The following SGK1 variants were observed in gnomAD, a reference collection of about 807,000 sequenced individuals.
SGK1 encodes serine/threonine-protein kinase Sgk1.
SGK1 carries 26 observed loss-of-function variants against 64.2 expected under a neutral mutation model. That is an observed-to-expected ratio of 0.40 (90% CI 0.30 to 0.56). The LOEUF (loss-of-function observed/expected upper bound fraction) is 0.56. Among genes scored for constraint, SGK1 ranks in the 20% least tolerant of loss-of-function variants. The pLI, the probability that SGK1 is intolerant of heterozygous loss-of-function variation, is 0.38. For missense variants in SGK1, 519 were observed against 645.6 expected (o/e 0.80, Z 2.12); for synonymous variants, 265 against 239.7 (o/e 1.11, Z -0.98).
intron 1 of SGK1, among the ~76,000 whole-genome samples, chr6:134,315,982 T>A (rs1396089660): frequency 6.6e-6 from 1 of 152,242 alleles, no homozygotes; most frequent in Non-Finnish European, 1.5e-5. Flanking sequence ...TGGAGCTCTG[T>A]GAAGTTGCAC....
At chr6:134,269,433 T>C (rs895139534) in intron 1 of SGK1, among the ~76,000 whole-genome samples, 1 of 147,276 alleles carries the variant, frequency 6.8e-6, no homozygotes, top group African/African-American at 2.4e-5. Context: ...CCGAGGCAGG[T>C]GGATCATTTG....
chr6:134,177,744 C>G (rs1208368838), intron 3 of SGK1: 1 of 1,613,872 alleles, frequency 6.2e-7, no homozygotes, highest in East Asian at 2.2e-5. Context: ...CTTCTGGAGG[C>G]TGGAGGTAGA....
In SGK1 at chr6:134,262,118, T is replaced by C. The variant is rs750990182; in HGVS notation, c.100A>G (p.Ser34Gly). The change falls in exon 2 of 14, where the codon AGT (serine) becomes GGT (glycine). Residue 34 changes from serine to glycine, a missense_variant. Ser to Gly is a moderately conservative substitution (Grantham distance 56). Transcript: ENST00000367858. ...VRRWIKSPMVSVDKHQSPSLK... is the reference protein window; with the variant it reads ...VRRWIKSPMVGVDKHQSPSLK... The stretch of plus-strand genomic sequence containing the variant: ...CTGGGACTCTGATGCTTGTCCACAC[T>C]GACCATTGGGCTCTTGATCCACCTT... 6.2e-7 allele frequency: 1 copy of C among 1,601,422 alleles called. No individual in the cohort carries two copies. Among genetic ancestry groups the C allele is most frequent in the Non-Finnish European group, 8.5e-7 (1 of 1,170,912 alleles).
intron 2 of SGK1, among the ~76,000 whole-genome samples, chr6:134,208,101 G>A (rs551972864): frequency 9.8e-4 from 149 of 152,090 alleles, no homozygotes; most frequent in Middle Eastern, 6.8e-3. Context: ...TAGCAGAGAC[G>A]GGGTTTCACC....
chr6:134,206,383 ATTTTTTTTTTTTT>A (rs869072819), intron 3 of SGK1, among the ~76,000 whole-genome samples: 5 of 16,620 alleles, frequency 3.0e-4, no homozygotes, highest in African/African-American at 9.5e-4. Flanking sequence ...ATATATATAT[ATTTTTTTTTTTTT>A]TTTTTTTTTT....
intron 3 of SGK1, among the ~76,000 whole-genome samples, chr6:134,188,350 A>G (rs1775455383): frequency 6.6e-6 from 1 of 152,124 alleles, no homozygotes; most frequent in Non-Finnish European, 1.5e-5. Flanking sequence ...CAGCCCATAA[A>G]TTGGTATATA....
At chr6:134,275,491 G>A (rs747522663) in intron 1 of SGK1, among the ~76,000 whole-genome samples, 2 of 152,216 alleles carry the variant, frequency 1.3e-5, no homozygotes, top group Non-Finnish European at 2.9e-5. Context: ...CAGGATTGAT[G>A]TATTATAAGA....
At chr6:134,277,457 G>A (rs1318526194) in intron 1 of SGK1, among the ~76,000 whole-genome samples, 1 of 152,324 alleles carries the variant, frequency 6.6e-6, no homozygotes, top group East Asian at 1.9e-4. Context: ...ATGAAGGGCA[G>A]GGAAGGCTAA....
At chr6:134,217,602 TA>T (rs1325417545) in intron 2 of SGK1, among the ~76,000 whole-genome samples, 4 of 152,118 alleles carry the variant, frequency 2.6e-5, no homozygotes, top group Admixed American at 6.6e-5. Flanking sequence ...AACATGCCCA[TA>T]GTTTGCAAAT....
At chr6:134,237,982 A>C (rs1776389697) in intron 2 of SGK1, among the ~76,000 whole-genome samples, 1 of 152,200 alleles carries the variant, frequency 6.6e-6, no homozygotes, top group African/African-American at 2.4e-5. Flanking sequence ...GTGTGTAAAA[A>C]ACATCTTATT....
At chr6:134,313,310 G>C (rs972098491) in intron 1 of SGK1, among the ~76,000 whole-genome samples, 2 of 152,130 alleles carry the variant, frequency 1.3e-5, no homozygotes, top group Non-Finnish European at 2.9e-5. Flanking sequence ...CTCGAGACCA[G>C]CCAGGGCAAC....
intron 3 of SGK1, among the ~76,000 whole-genome samples, chr6:134,202,763 G>A (rs903106111): frequency 3.3e-5 from 5 of 152,022 alleles, no homozygotes; most frequent in Non-Finnish European, 5.9e-5. Flanking sequence ...CATCAGAAAT[G>A]GCAAATATCT....
intron 3 of SGK1, among the ~76,000 whole-genome samples, chr6:134,176,360 G>A (rs1276126019): frequency 6.6e-6 from 1 of 152,232 alleles, no homozygotes; most frequent in Non-Finnish European, 1.5e-5. Context: ...AGATTAGCCG[G>A]GTGACTCCGC....
intron 1 of SGK1, chr6:134,297,647 C>T (rs544700645): frequency 1.6e-5 from 7 of 437,538 alleles, no homozygotes; most frequent in African/African-American, 6.1e-5. Flanking sequence ...CAATTACAGG[C>T]GTGCACCACC....
chr6:134,235,630 G>A (rs190449218), intron 2 of SGK1, among the ~76,000 whole-genome samples: 123 of 151,674 alleles, frequency 8.1e-4, no homozygotes, highest in African/African-American at 2.8e-3. Context: ...GCAGGGCAAT[G>A]GCACGAGCTC....
At chr6:134,207,321 A>G (rs1280169990) in intron 3 of SGK1, 35 bp downstream of exon 3, 2 of 1,287,314 alleles carry the variant, frequency 1.6e-6, no homozygotes, top group East Asian at 2.3e-5. Context: ...TATCCTGTAC[A>G]TAACAGGAAA....
intron 2 of SGK1, among the ~76,000 whole-genome samples, chr6:134,232,352 T>C (rs1776291437): frequency 6.8e-6 from 1 of 147,722 alleles, no homozygotes; most frequent in African/African-American, 2.5e-5. Context: ...ACCACTGTAC[T>C]CTAGCCTGGG....
chr6:134,263,305 T>C (rs1376731179), intron 1 of SGK1, among the ~76,000 whole-genome samples: 1 of 152,138 alleles, frequency 6.6e-6, no homozygotes, highest in Non-Finnish European at 1.5e-5. Context: ...GGCCTAATCA[T>C]GGCTCACTGC....
At chr6:134,315,290 G>A (rs1051537474) in intron 1 of SGK1, among the ~76,000 whole-genome samples, 1 of 152,184 alleles carries the variant, frequency 6.6e-6, no homozygotes, top group Admixed American at 6.5e-5. Flanking sequence ...CTGTCCTTGA[G>A]GAGTAAGGAG....
Sources: gnomAD v4.1 joint callset for allele counts (sites outside exome capture counted in the v4.1 genomes callset) on GRCh38, gnomAD v4.1.1 for gene constraint, MANE v1.5 for transcripts, NCBI Gene and HGNC (gene_info 2026-07-23, HGNC 2026-07-21) for gene names.